PPARGC1A: variants seen among roughly 807,000 people sequenced by gnomAD.
PPARGC1A encodes the protein peroxisome proliferator-activated receptor gamma coactivator 1-alpha.
Under a neutral mutation model 88.7 loss-of-function variants are expected in PPARGC1A, and 25 were observed. The observed-to-expected ratio is 0.28, with a 90% confidence interval of 0.21 to 0.39. The LOEUF (loss-of-function observed/expected upper bound fraction) is 0.39. Among genes scored for constraint, PPARGC1A ranks in the 10% least tolerant of loss-of-function variants. PPARGC1A has a pLI of 1.00. For missense variants in PPARGC1A, 880 were observed against 968.7 expected (o/e 0.91, Z 1.22); for synonymous variants, 363 against 355.6 (o/e 1.02, Z -0.24).
At chr4:24,021,470 T>A in the PPARGC1A span, among the ~76,000 whole-genome samples, 1 of 152,146 alleles carries the variant, frequency 6.6e-6, no homozygotes, top group African/African-American at 2.4e-5. Context: ...CAACCAAAGA[T>A]ATTTGTCCAG....
the PPARGC1A span, among the ~76,000 whole-genome samples, chr4:24,241,621 T>A: frequency 6.6e-6 from 1 of 152,246 alleles, no homozygotes; most frequent in Non-Finnish European, 1.5e-5. Flanking sequence ...ACGCCTTGTT[T>A]AGCACCTACT....
At chr4:24,212,518 G>A in the PPARGC1A span, among the ~76,000 whole-genome samples, 1 of 152,162 alleles carries the variant, frequency 6.6e-6, no homozygotes, top group African/African-American at 2.4e-5. Flanking sequence ...AGAATTAAAT[G>A]GAATAATGTA....
the PPARGC1A span, among the ~76,000 whole-genome samples, chr4:24,273,578 C>T: frequency 5.3e-5 from 8 of 152,218 alleles, no homozygotes; most frequent in East Asian, 1.2e-3. Context: ...GAGACCAAAA[C>T]CTGAAAGAGA....
chr4:24,323,830 C>A, the PPARGC1A span, among the ~76,000 whole-genome samples: 5 of 152,202 alleles, frequency 3.3e-5, no homozygotes, highest in African/African-American at 1.2e-4. Flanking sequence ...TCAGACCGAC[C>A]AGCCCAAGAA....
At chr4:23,829,437 C>T in intron 4 of PPARGC1A, 26 bp downstream of exon 4, 1 of 1,609,714 alleles carries the variant, frequency 6.2e-7, no homozygotes, top group African/African-American at 1.3e-5. Flanking sequence ...TACATCCCCC[C>T]TGTATTAAAA....
chr4:24,049,326 G>A, the PPARGC1A span, among the ~76,000 whole-genome samples: 4 of 85,946 alleles, frequency 4.7e-5, no homozygotes, highest in Admixed American at 1.3e-4. Context: ...ATATATATGT[G>A]TGTGTGTGTA....
chr4:24,083,124 C>A, the PPARGC1A span, among the ~76,000 whole-genome samples: 1 of 152,116 alleles, frequency 6.6e-6, no homozygotes, highest in East Asian at 1.9e-4. Flanking sequence ...CTGCTCTATG[C>A]CTGGAACTGT....
chr4:24,186,905 G>T, the PPARGC1A span, among the ~76,000 whole-genome samples: 1 of 152,336 alleles, frequency 6.6e-6, no homozygotes, highest in South Asian at 2.1e-4. Context: ...TTCTGCACGT[G>T]CAGTCAGCAG....
chr4:24,307,539 G>A, the PPARGC1A span, among the ~76,000 whole-genome samples: 1 of 152,150 alleles, frequency 6.6e-6, no homozygotes, highest in Non-Finnish European at 1.5e-5. Context: ...TTGGCCTCAA[G>A]AAGCTTAGCT....
chr4:23,831,964 G>T (rs1489725889), intron 2 of PPARGC1A, among the ~76,000 whole-genome samples: 1 of 152,102 alleles, frequency 6.6e-6, no homozygotes, highest in Admixed American at 6.6e-5. Context: ...ATCTCTGATG[G>T]TTGAGCTGCC....
At chr4:24,000,939 C>A in the PPARGC1A span, among the ~76,000 whole-genome samples, 3 of 152,128 alleles carry the variant, frequency 2.0e-5, no homozygotes, top group African/African-American at 7.2e-5. Context: ...AATAAGGGAG[C>A]TACTTATCTT....
the PPARGC1A span, among the ~76,000 whole-genome samples, chr4:24,032,610 A>T: frequency 6.6e-6 from 1 of 152,216 alleles, no homozygotes; most frequent in Non-Finnish European, 1.5e-5. Flanking sequence ...GACGAGGTTC[A>T]TCTAATCCAA....
chr4:23,812,876 CAT>C lies in PPARGC1A; in HGVS notation c.1899-11_1899-10del. On this transcript the variant is annotated splice_polypyrimidine_tract_variant and intron_variant, in intron 9 of 12. Transcript: ENST00000264867. ...CCTCGTAGCTGTCATACCTGGGAAA[CAT>C]AACTTTATCACTAAGTCAACCACCT... 6.2e-7 allele frequency: 1 copy of C among 1,613,986 alleles called. No individual in the cohort carries two copies. Among genetic ancestry groups the C allele is most frequent in the Non-Finnish European group, 8.5e-7 (1 of 1,179,978 alleles).
the PPARGC1A span, among the ~76,000 whole-genome samples, chr4:23,956,702 A>G: frequency 4.6e-5 from 7 of 152,160 alleles, no homozygotes; most frequent in African/African-American, 1.7e-4. Context: ...CTAAAATACA[A>G]TGCAAATATT....
chr4:24,283,181 A>G, the PPARGC1A span, among the ~76,000 whole-genome samples: 2 of 152,208 alleles, frequency 1.3e-5, no homozygotes, highest in Non-Finnish European at 2.9e-5. Context: ...CAAAAAGATC[A>G]TGATCTAACA....
chr4:23,946,193 T>C, the PPARGC1A span, among the ~76,000 whole-genome samples: 1 of 152,196 alleles, frequency 6.6e-6, no homozygotes, highest in African/African-American at 2.4e-5. Context: ...AGCACCCATT[T>C]TGTCTACCAA....
chr4:24,186,650 A>G, the PPARGC1A span, among the ~76,000 whole-genome samples: 1 of 152,036 alleles, frequency 6.6e-6, no homozygotes, highest in East Asian at 1.9e-4. Context: ...ACACTCTATT[A>G]TGGCGCAATA....
intron 12 of PPARGC1A, among the ~76,000 whole-genome samples, chr4:23,796,355 A>G (rs938818073): frequency 2.0e-5 from 3 of 152,132 alleles, no homozygotes; most frequent in African/African-American, 7.2e-5. Context: ...AATCATGAGA[A>G]TTTCCCCTAA....
the PPARGC1A span, among the ~76,000 whole-genome samples, chr4:24,399,223 G>A: frequency 6.6e-6 from 1 of 152,002 alleles, no homozygotes; most frequent in Non-Finnish European, 1.5e-5. Flanking sequence ...CACTTTTTTT[G>A]CAGATGTCAT....
Sources: gnomAD v4.1 joint callset for allele counts (sites outside exome capture counted in the v4.1 genomes callset) on GRCh38, gnomAD v4.1.1 for gene constraint, MANE v1.5 for transcripts, NCBI Gene and HGNC (gene_info 2026-07-23, HGNC 2026-07-21) for gene names.